The following TCFL5 variants were observed in gnomAD, a reference collection of about 807,000 sequenced individuals.
The protein encoded by TCFL5 is transcription factor like 5.
In TCFL5, 9 loss-of-function variants were observed where a neutral mutation model predicts 44.3. The ratio of observed to expected loss-of-function variants is 0.20; its 90% CI spans 0.12 to 0.35. TCFL5 has a LOEUF of 0.35. TCFL5 is among the 10% of genes least tolerant of loss of function. TCFL5 has a pLI of 1.00. For synonymous variants in TCFL5, 319 were observed against 271.6 expected, an observed-to-expected ratio of 1.17 and a Z score of -1.72; for missense variants, 603 against 613.4, an observed-to-expected ratio of 0.98 and a Z score of 0.18.
chr20:62,852,267 G>C (rs780287022), intron 5 of TCFL5: 30 of 985,340 alleles, frequency 3.0e-5, no homozygotes, highest in Middle Eastern at 5.2e-4. Flanking sequence ...CTCACTCCTA[G>C]AGGGCCAAAG....
rs764619850 is a variant in TCFL5 at position 62,852,785 on chromosome 20, C to T, written c.1380+1231G>A. On this transcript the variant is annotated intron_variant, in intron 5 of 5. Coordinates refer to ENST00000335351, the MANE Select transcript of TCFL5 (RefSeq NM_006602.4). ...TATATTCACCCATTCCACAGAAGCA[C>T]GGTCACCCGGTCCGCAGAAGTATAT... 7 of 1,287,788 alleles carry T rather than the reference C, an allele frequency of 5.4e-6. No homozygotes were observed. The East Asian group carries it at 1.7e-4, about 31-fold the overall frequency. 79.8% of individuals were successfully genotyped at this position (1,287,788 alleles called of 1,614,324 possible).
At chr20:62,858,724 C>CG (rs1322475962) in intron 3 of TCFL5, among the ~76,000 whole-genome samples, 1 of 46,482 alleles carries the variant, frequency 2.2e-5, no homozygotes, top group African/African-American at 1.2e-4. Context: ...GAAGGGGCTA[C>CG]GCAGGTGTTT....
chr20:62,846,073 G>A (rs1479843476), intron 5 of TCFL5: 2 of 1,327,780 alleles, frequency 1.5e-6, no homozygotes, highest in African/African-American at 1.5e-5. Flanking sequence ...TCATCTTCAG[G>A]AAGCAAGTCC....
At chr20:62,857,759 C>T in intron 3 of TCFL5, 121 bp from the exon 4 acceptor site, 1 of 1,220,670 alleles carries the variant, frequency 8.2e-7, no homozygotes, top group Non-Finnish European at 1.1e-6. Context: ...GCACAGAGAA[C>T]CGAAACACAA....
rs2063993058 is a variant in TCFL5 at position 62,861,028 on chromosome 20, T to G, written c.643A>C (p.Asn215His). Residue 215 changes from asparagine (N) to histidine (H), a missense_variant, in exon 1 of 6, where the codon AAC becomes CAC. Asn to His is a moderately conservative substitution (Grantham distance 68). Coordinates refer to ENST00000335351, the MANE Select transcript of TCFL5 (RefSeq NM_006602.4). The surrounding 1 kb of genome is among the most constrained non-coding windows in gnomAD (Gnocchi z 4.0). ...CCCCGGCCGCCGGGCACGCACTTGT[T>G]GAGCGCCCCGCCCGGCTCGGGGGGC... is the stretch of plus-strand genomic sequence containing the variant. ...PEPPEPGGAL[N>H]NLVTLIRHPS... 2.0e-5 allele frequency: 20 copies of G among 993,744 alleles called. No homozygotes were observed. The highest frequency in any genetic ancestry group is 5.3e-5 in the African/African-American group (3 of 57,030). 61.6% of individuals were successfully genotyped at this position (993,744 alleles called of 1,614,324 possible).
At chr20:62,858,891 G>C (rs181135625) in intron 3 of TCFL5, among the ~76,000 whole-genome samples, 7 of 152,088 alleles carry the variant, frequency 4.6e-5, no homozygotes, top group African/African-American at 1.7e-4. Flanking sequence ...TAGCGCAGCA[G>C]TGCCTTCAGC....
intron 5 of TCFL5, chr20:62,845,825 T>C (rs57610632): frequency 0.033 from 53,281 of 1,598,486 alleles, 1,345 homozygotes; most frequent in African/African-American, 0.12. Context: ...GCTCTCTCAT[T>C]ATAAAAGTGA....
chr20:62,859,741 G>A (rs895758729), intron 2 of TCFL5, among the ~76,000 whole-genome samples: 2 of 148,680 alleles, frequency 1.3e-5, no homozygotes, highest in Admixed American at 1.3e-4. Context: ...TTTTTTTTGA[G>A]ACAGGCTCTC....
Position 62,841,048 on chromosome 20 carries a change from TAA to T in TCFL5, c.*925_*926del. 2 of 351,496 alleles carry T rather than the reference TAA, an allele frequency of 5.7e-6. No homozygotes were observed. Among genetic ancestry groups the T allele is most frequent in the South Asian group, 2.7e-5 (1 of 36,390 alleles). The allele number at this position is 351,496 out of a possible 1,614,324, so 21.8% of individuals were successfully genotyped here. The stretch of plus-strand genomic sequence containing the variant: ...GTAACTTGTTTACATAGCATTTGTG[TAA>T]AGACTATGATCTCATCCCAATAAAA... On this transcript the variant is annotated 3_prime_UTR_variant, in exon 6 of 6. Transcript: ENST00000335351.
At chr20:62,856,392 C>T (rs893141027) in intron 4 of TCFL5, among the ~76,000 whole-genome samples, 3 of 151,872 alleles carry the variant, frequency 2.0e-5, no homozygotes, top group Non-Finnish European at 4.4e-5. Context: ...TAACCTCTTC[C>T]TTCCCAGCAA....
intron 4 of TCFL5, among the ~76,000 whole-genome samples, chr20:62,854,619 C>T (rs1327554542): frequency 6.6e-6 from 1 of 152,244 alleles, no homozygotes; most frequent in East Asian, 1.9e-4. Context: ...AACTCGTGCA[C>T]AGCTTTCTCC....
At chr20:62,851,798 C>A (rs2063813685) in intron 5 of TCFL5, 2 of 985,386 alleles carry the variant, frequency 2.0e-6, no homozygotes, top group Non-Finnish European at 2.4e-6. Flanking sequence ...TCTAGCCCCA[C>A]CATGACGTAG....
intron 2 of TCFL5, 71 bp downstream of exon 2, chr20:62,860,054 C>G (rs2063967989): frequency 8.1e-6 from 12 of 1,483,328 alleles, no homozygotes; most frequent in Middle Eastern, 2.5e-4. Context: ...GTACTTGGGA[C>G]CTAACCAAAA....
At position 62,860,332 on chromosome 20, in the gene TCFL5, G is replaced by C. The variant is rs758171260; in HGVS notation, c.648-24C>G. The C allele has an allele frequency of 9.4e-6, 15 of 1,592,456 alleles. No individual in the cohort carries two copies. The South Asian group carries it at 1.7e-4, about 18-fold the overall frequency. On this transcript the variant is annotated intron_variant, in intron 1 of 5. Coordinates refer to ENST00000335351, the MANE Select transcript of TCFL5 (RefSeq NM_006602.4). ...AACTGCCAAGACAAAAGAAAGCCCA[G>C]AAGTGTCAGCAATACGTGGCAGACA...
intron 1 of TCFL5, 64 bp from the exon 2 acceptor site, chr20:62,860,372 C>T: frequency 6.7e-7 from 1 of 1,483,272 alleles, no homozygotes; most frequent in Admixed American, 1.8e-5. Flanking sequence ...TCCACCATCC[C>T]ACTCCCATGG....
At chr20:62,856,259 A>G (rs1236959059) in intron 4 of TCFL5, among the ~76,000 whole-genome samples, 1 of 146,794 alleles carries the variant, frequency 6.8e-6, no homozygotes, top group Non-Finnish European at 1.5e-5. Context: ...TCTCAAAAAA[A>G]AAAAAAAAAA....
intron 4 of TCFL5, among the ~76,000 whole-genome samples, chr20:62,854,490 AAC>A (rs1271122677): frequency 2.6e-5 from 4 of 152,220 alleles, no homozygotes; most frequent in African/African-American, 9.6e-5. Context: ...AACTGGAAGC[AAC>A]ATTTTGTGTC....
rs1447640353 is a variant in TCFL5, at chr20:62,861,398, C to G, written c.273G>C (p.Ala91=). The G allele has an allele frequency of 9.2e-7, 1 of 1,086,296 alleles. No individual in the cohort carries two copies. The highest frequency in any genetic ancestry group is 1.1e-6 in the Non-Finnish European group (1 of 898,006). The allele number at this position is 1,086,296 out of a possible 1,614,324, so 67.3% of individuals were successfully genotyped here. The change falls in exon 1 of 6, where the codon GCG becomes GCC. Residue 91 remains alanine, a synonymous_variant. Transcript: ENST00000335351. The surrounding 1 kb of genome is among the most constrained non-coding windows in gnomAD (Gnocchi z 4.0). The part of the protein sequence containing the change: ...LLAAAGPGAG[A]GGFAAGGQGG... ...CCTGACCGCCCGCCGCGAAGCCGCC[C>G]GCGCCTGCGCCCGGGCCCGCCGCCG... is the stretch of plus-strand genomic sequence containing the variant.
chr20:62,845,664 A>G, intron 5 of TCFL5: 1 of 1,606,410 alleles, frequency 6.2e-7, no homozygotes, highest in Non-Finnish European at 8.5e-7. Context: ...CCCGCTGACC[A>G]TGGCAGTATT....
Sources: gnomAD v4.1 joint callset for allele counts (sites outside exome capture counted in the v4.1 genomes callset) on GRCh38, gnomAD v4.1.1 for gene constraint, Gnocchi (gnomAD v3.1) non-coding constraint, MANE v1.5 for transcripts, NCBI Gene and HGNC (gene_info 2026-07-23, HGNC 2026-07-21) for gene names.